Variants in UGT1A10 observed in about 807,000 individuals in gnomAD.
UGT1A10 encodes UDP-glucuronosyltransferase 1A10.
Under a neutral mutation model 45.8 loss-of-function variants are expected in UGT1A10, and 49 were observed. The ratio of observed to expected loss-of-function variants is 1.07; its 90% CI spans 0.85 to 1.36. UGT1A10 has a LOEUF of 1.36. UGT1A10 is among the 40% of genes most tolerant of loss of function. UGT1A10 has a pLI of 0.00. For synonymous variants in UGT1A10, 284 were observed against 249.7 expected, an observed-to-expected ratio of 1.14 and a Z score of -1.29; for missense variants, 745 against 668.6, an observed-to-expected ratio of 1.11 and a Z score of -1.26.
chr2:233,671,240 C>T (rs28969702), intron 1 of UGT1A10, among the ~76,000 whole-genome samples: 124 of 152,274 alleles, frequency 8.1e-4, no homozygotes, highest in African/African-American at 2.5e-3. Flanking sequence ...AAGGATTGGG[C>T]GGGCAACTTC....
intron 1 of UGT1A10, among the ~76,000 whole-genome samples, chr2:233,725,047 C>G (rs528406821): frequency 6.8e-6 from 1 of 147,932 alleles, no homozygotes; most frequent in Non-Finnish European, 1.5e-5. Context: ...ACCAGTCAGG[C>G]GTGGCGGCGC....
intron 1 of UGT1A10, among the ~76,000 whole-genome samples, chr2:233,655,730 C>T (rs1385693974): frequency 6.6e-6 from 1 of 152,212 alleles, no homozygotes; most frequent in Non-Finnish European, 1.5e-5. Context: ...TCAGGCAAGT[C>T]TCTCCTGTCC....
rs761622962 is a variant in UGT1A10 at position 233,769,246 on chromosome 2, A to C, written c.1295+807A>C. On this transcript the variant is annotated intron_variant, in intron 4 of 4. Transcript: ENST00000344644. The surrounding 1 kb of genome is among the most constrained non-coding windows in gnomAD (Gnocchi z 4.4). The stretch of plus-strand genomic sequence containing the variant: ...TAAGAGCAAAGGAAAATTTGCTCAA[A>C]TGTGGCCCTGAAAACGATTCAAAGG... Among the ~76,000 whole-genome samples the C allele has an allele frequency of 6.6e-6, 1 of 152,238 alleles. No individual in the cohort carries two copies. Among genetic ancestry groups the C allele is most frequent in the Non-Finnish European group, 1.5e-5 (1 of 68,028 alleles).
chr2:233,695,283 T>G (rs546580338), intron 1 of UGT1A10, among the ~76,000 whole-genome samples: 155 of 152,002 alleles, frequency 1.0e-3, no homozygotes, highest in African/African-American at 3.5e-3. Context: ...GTGCCACCAT[T>G]CCCAGCTAAT....
intron 1 of UGT1A10, chr2:233,743,914 C>G (rs201448352): frequency 1.5e-6 from 2 of 1,364,518 alleles, no homozygotes; most frequent in Non-Finnish European, 2.0e-6. Context: ...AGTAGTCCAC[C>G]ATGCTGGATG....
intron 1 of UGT1A10, among the ~76,000 whole-genome samples, chr2:233,661,722 T>C (rs1262729780): frequency 1.3e-5 from 2 of 150,592 alleles, no homozygotes; most frequent in African/African-American, 2.4e-5. Context: ...TTTTTTTTTT[T>C]AATGATCGCC....
At chr2:233,733,540 G>A (rs1459592747) in intron 1 of UGT1A10, among the ~76,000 whole-genome samples, 2 of 152,164 alleles carry the variant, frequency 1.3e-5, no homozygotes, top group Non-Finnish European at 2.9e-5. Flanking sequence ...TTTGTTGAAG[G>A]CCTTTTCTGC....
In UGT1A10 at chr2:233,769,240, G is replaced by A. The variant is rs1056982803; in HGVS notation, c.1295+801G>A. The stretch of plus-strand genomic sequence containing the variant: ...TTAGAATAAGAGCAAAGGAAAATTT[G>A]CTCAAATGTGGCCCTGAAAACGATT... On this transcript the variant is annotated intron_variant, in intron 4 of 4. Transcript: ENST00000344644. This position sits in a 1 kb window ranked among gnomAD's most constrained non-coding sequence, Gnocchi z 4.4. 6.6e-6 allele frequency among the ~76,000 whole-genome samples: 1 copy of A among 152,196 alleles called. No individual in the cohort carries two copies. The highest frequency in any genetic ancestry group is 6.5e-5 in the Admixed American group (1 of 15,280).
intron 1 of UGT1A10, chr2:233,672,641 A>C: frequency 6.2e-7 from 1 of 1,613,938 alleles, no homozygotes; most frequent in Non-Finnish European, 8.5e-7. Context: ...GAAATTCTCC[A>C]AACACCTGTT....
chr2:233,666,797 C>A (rs1410178781), intron 1 of UGT1A10, among the ~76,000 whole-genome samples: 1 of 128,594 alleles, frequency 7.8e-6, no homozygotes. Context: ...TATCCCTCCC[C>A]CCTCCCCCAA....
chr2:233,670,258 A>T (rs1052711953), intron 1 of UGT1A10, among the ~76,000 whole-genome samples: 30 of 152,304 alleles, frequency 2.0e-4, no homozygotes, highest in African/African-American at 6.5e-4. Flanking sequence ...AAGGAGGAAG[A>T]GGTGGGTTGG....
At chr2:233,678,428 A>G (rs2074416799) in intron 1 of UGT1A10, among the ~76,000 whole-genome samples, 1 of 152,224 alleles carries the variant, frequency 6.6e-6, no homozygotes, top group East Asian at 1.9e-4. Flanking sequence ...TCAGGGTGGC[A>G]GAGGCAGAAG....
At chr2:233,688,015 A>G (rs2074874910) in intron 1 of UGT1A10, among the ~76,000 whole-genome samples, 1 of 152,242 alleles carries the variant, frequency 6.6e-6, no homozygotes, top group Admixed American at 6.5e-5. Flanking sequence ...GATACAATCA[A>G]CCATCACCAA....
chr2:233,673,209 TTAAAA>T (rs1312203252), intron 1 of UGT1A10, among the ~76,000 whole-genome samples: 4 of 152,208 alleles, frequency 2.6e-5, no homozygotes, highest in Non-Finnish European at 4.4e-5. Flanking sequence ...ACCTATTTTG[TTAAAA>T]TAAAATCTAG....
chr2:233,687,584 A>T (rs1393957016), intron 1 of UGT1A10, among the ~76,000 whole-genome samples: 24 of 40,642 alleles, frequency 5.9e-4, no homozygotes, highest in Non-Finnish European at 7.9e-4. Flanking sequence ...CATTCTTTGT[A>T]AAAAAAAAAA....
chr2:233,761,872 G>A (rs1697885478), intron 1 of UGT1A10, among the ~76,000 whole-genome samples: 1 of 152,232 alleles, frequency 6.6e-6, no homozygotes, highest in Admixed American at 6.5e-5. Context: ...ATTTCAGAGA[G>A]CGTTCATTCA....
At chr2:233,766,659 G>C (rs1373000724) in intron 1 of UGT1A10, among the ~76,000 whole-genome samples, 1 of 152,094 alleles carries the variant, frequency 6.6e-6, no homozygotes, top group Non-Finnish European at 1.5e-5. Context: ...AAGGGACCAC[G>C]CCCTTCCCAG....
At position 233,754,981 on chromosome 2, in the gene UGT1A10, C is replaced by T. The variant is rs561889596; in HGVS notation, c.856-12053C>T. On this transcript the variant is annotated intron_variant, in intron 1 of 4. Transcript: ENST00000344644. The stretch of plus-strand genomic sequence containing the variant: ...CCAAAGAACTCCCTGAAGACCTCGG[C>T]GGGGTCACGGAAGCTGAAGACCTAC... 29 of 1,295,892 alleles carry T rather than the reference C, an allele frequency of 2.2e-5. No homozygotes were observed. In the African/African-American group the frequency reaches 3.3e-4, roughly 15 times the overall value. The allele number at this position is 1,295,892 out of a possible 1,614,324, so 80.3% of individuals were successfully genotyped here.
intron 1 of UGT1A10, among the ~76,000 whole-genome samples, chr2:233,704,140 C>G (rs1322869617): frequency 6.6e-6 from 1 of 152,114 alleles, no homozygotes; most frequent in Non-Finnish European, 1.5e-5. Flanking sequence ...ATCCACCCGC[C>G]TCAGCCTTTC....
Sources: allele counts gnomAD v4.1 joint callset (sites outside exome capture counted in the v4.1 genomes callset), GRCh38; gene constraint gnomAD v4.1.1; non-coding constraint Gnocchi (gnomAD v3.1); transcripts MANE v1.5; gene names NCBI Gene and HGNC (gene_info 2026-07-23, HGNC 2026-07-21).